The following BRDT variants were observed in gnomAD, a reference collection of about 807,000 sequenced individuals.
BRDT encodes bromodomain testis associated.
A neutral mutation model predicts 113.9 loss-of-function variants in BRDT; 77 were observed. That is an observed-to-expected ratio of 0.68 (90% CI 0.56 to 0.82). BRDT has a LOEUF of 0.82. BRDT is among the 40% of genes least tolerant of loss of function. The probability of loss-of-function intolerance (pLI) is 0.00; values close to 1 mark genes in which losing one functional copy is unlikely to be tolerated. For missense variants in BRDT, 1,027 were observed against 1,105.4 expected (o/e 0.93, Z 1.01); for synonymous variants, 358 against 366.5 (o/e 0.98, Z 0.26).
chr1:91,994,264 T>G lies in BRDT; in HGVS notation c.2287+10T>G. ...ATTCTGCCTCCCTCAGGTAAGAAAT[T>G]AACAAGTAAACAACTGTTATTGAGA... On this transcript the variant is annotated intron_variant, in intron 15 of 18. Transcript: ENST00000399546. 6.3e-7 allele frequency: 1 copy of G among 1,588,916 alleles called. No homozygotes were observed. The highest frequency in any genetic ancestry group is 8.6e-7 in the Non-Finnish European group (1 of 1,164,554).
At chr1:91,981,858 T>C in intron 12 of BRDT, 103 bp downstream of exon 12, 1 of 1,365,252 alleles carries the variant, frequency 7.3e-7, no homozygotes, top group African/African-American at 1.5e-5. Flanking sequence ...CCAGAATCCA[T>C]GGTTTGTATA....
chr1:91,965,788 A>C (rs888293888), intron 3 of BRDT, among the ~76,000 whole-genome samples: 5 of 151,996 alleles, frequency 3.3e-5, no homozygotes, highest in African/African-American at 1.2e-4. Flanking sequence ...TGGAGGTTGC[A>C]GTGAGCCTAG....
intron 1 of BRDT, among the ~76,000 whole-genome samples, chr1:91,959,922 T>C (rs1485459194): frequency 6.6e-6 from 1 of 152,200 alleles, no homozygotes; most frequent in Admixed American, 6.5e-5. Flanking sequence ...CAGGGAACTT[T>C]TAAAAAACCA....
intron 1 of BRDT, among the ~76,000 whole-genome samples, chr1:91,957,318 C>CTGTTAG (rs930609803): frequency 6.6e-6 from 1 of 152,048 alleles, no homozygotes; most frequent in Non-Finnish European, 1.5e-5. Flanking sequence ...ACGGTGAAAC[C>CTGTTAG]CTGTCTCTAC....
At position 91,977,233 on chromosome 1, in the gene BRDT, C is replaced by T. The variant is rs1684237139; in HGVS notation, c.809C>T (p.Thr270Ile). 5 of 1,613,854 alleles carry T rather than the reference C, an allele frequency of 3.1e-6. No homozygotes were observed. The highest frequency in any genetic ancestry group is 4.2e-6 in the Non-Finnish European group (5 of 1,179,970). ...AATGTTGTGAAGACTGTTAAAGTAA[C>T]TGAACAATTAAGGCACTGTAGTGAG... ...QYNVVKTVKV[T>I]EQLRHCSEIL... Residue 270 changes from threonine (T) to isoleucine (I), a missense_variant, in exon 6 of 19, where the codon ACT (threonine) becomes ATT (isoleucine). Physicochemically the swap from Thr to Ile is moderately conservative, Grantham distance 89. Coordinates refer to ENST00000399546, the MANE Select transcript of BRDT (RefSeq NM_207189.4).
At chr1:91,990,895 T>C (rs1685689977) in intron 12 of BRDT, among the ~76,000 whole-genome samples, 1 of 152,128 alleles carries the variant, frequency 6.6e-6, no homozygotes, top group African/African-American at 2.4e-5. Context: ...CTTCCCAGGT[T>C]TAAGCAATTC....
At chr1:91,986,764 C>T (rs1328631377) in intron 12 of BRDT, among the ~76,000 whole-genome samples, 4 of 151,946 alleles carry the variant, frequency 2.6e-5, no homozygotes, top group African/African-American at 9.7e-5. Context: ...TTTTTTCATG[C>T]AAGGTTTGGA....
rs1557875502 is a variant in BRDT at position 92,014,223 on chromosome 1, T to C, written c.2793T>C (p.Asp931=). Residue 931 remains aspartate, a synonymous_variant, in exon 19 of 19, where the codon GAT becomes GAC. Transcript: ENST00000399546. ...TTCTACAGATGGTGGGTACCATTGA[T>C]ATGACCCTTCAAAGTGACATTATGA... is the stretch of plus-strand genomic sequence containing the variant. ...RRREAMVGTI[D]MTLQSDIMTM... is the part of the protein sequence containing the mutation. 15 of 1,591,422 alleles carry C rather than the reference T, an allele frequency of 9.4e-6. No homozygotes were observed. The East Asian group carries it at 3.2e-4, about 34-fold the overall frequency.
At chr1:92,013,090 C>T (rs1388165624) in intron 18 of BRDT, among the ~76,000 whole-genome samples, 1 of 151,178 alleles carries the variant, frequency 6.6e-6, no homozygotes, top group Non-Finnish European at 1.5e-5. Flanking sequence ...TGGCGGTGCA[C>T]ATCTGTAATC....
chr1:92,005,596 A>G (rs1396421643), intron 18 of BRDT, among the ~76,000 whole-genome samples: 1 of 152,140 alleles, frequency 6.6e-6, no homozygotes, highest in Non-Finnish European at 1.5e-5. Context: ...GGGAGCTATG[A>G]TCACACCACT....
intron 1 of BRDT, chr1:91,952,212 CAAGTT>C (rs1215000035): frequency 5.3e-5 from 8 of 152,210 alleles, no homozygotes; most frequent in East Asian, 1.9e-4. Flanking sequence ...CCTGGGAGGT[CAAGTT>C]AAGAGTCAAA....
intron 4 of BRDT, 80 bp from the exon 5 acceptor site, chr1:91,976,186 A>G: frequency 7.3e-7 from 1 of 1,369,384 alleles, no homozygotes; most frequent in Non-Finnish European, 9.7e-7. Context: ...GCTGAACTAA[A>G]TGAAATAGAA....
chr1:91,957,223 G>C (rs924321556), intron 1 of BRDT, among the ~76,000 whole-genome samples: 1 of 152,214 alleles, frequency 6.6e-6, no homozygotes, highest in Non-Finnish European at 1.5e-5. Flanking sequence ...GCCGGGGGCA[G>C]TGGCTCATGC....
chr1:92,002,216 A>G, intron 16 of BRDT, 67 bp downstream of exon 16: 1 of 1,127,280 alleles, frequency 8.9e-7, no homozygotes, highest in Admixed American at 2.2e-5. Flanking sequence ...AAGTGGTACA[A>G]GAGGTATTTA....
rs1687173119 is a variant in BRDT at position 92,004,992 on chromosome 1, T to C, written c.2595-127T>C. On this transcript the variant is annotated intron_variant, in intron 17 of 18. Transcript: ENST00000399546. ...AATTTGATGCATCAAAAATAAAGCT[T>C]AAAATAATGTTATAACATGAACATG... is the stretch of plus-strand genomic sequence containing the variant. 5.3e-6 allele frequency: 4 copies of C among 755,620 alleles called. No individual in the cohort carries two copies. In the South Asian group the frequency reaches 1.6e-4, roughly 30 times the overall value. The allele number at this position is 755,620 out of a possible 1,614,324, so 46.8% of individuals were successfully genotyped here. A position where few individuals can be genotyped will look rare whatever the true frequency, so the allele number is the denominator to read the frequency against.
intron 12 of BRDT, among the ~76,000 whole-genome samples, chr1:91,983,714 A>T (rs1244334726): frequency 6.7e-6 from 1 of 148,660 alleles, no homozygotes; most frequent in Non-Finnish European, 1.5e-5. Flanking sequence ...TTTGAGACGG[A>T]TTCTCACTCT....
chr1:91,950,203 C>G (rs1207647482), intron 1 of BRDT: 1 of 152,276 alleles, frequency 6.6e-6, no homozygotes, highest in Non-Finnish European at 1.5e-5. Context: ...AATCTCAGCA[C>G]TTTCGGAGGC....
intron 15 of BRDT, among the ~76,000 whole-genome samples, chr1:91,996,413 T>A (rs1200213874): frequency 6.6e-6 from 1 of 152,190 alleles, no homozygotes; most frequent in Non-Finnish European, 1.5e-5. Flanking sequence ...CATATGCGGC[T>A]AATTTTTGTA....
At chr1:92,008,464 T>C (rs547355864) in intron 18 of BRDT, among the ~76,000 whole-genome samples, 1 of 152,266 alleles carries the variant, frequency 6.6e-6, no homozygotes, top group Admixed American at 6.5e-5. Flanking sequence ...CCTCTATATA[T>C]ATGCCCTCCC....
Sources: allele counts gnomAD v4.1 joint callset (sites outside exome capture counted in the v4.1 genomes callset), GRCh38; gene constraint gnomAD v4.1.1; transcripts MANE v1.5; gene names NCBI Gene and HGNC (gene_info 2026-07-23, HGNC 2026-07-21).